The following CENPP variants were observed in gnomAD, a reference collection of about 807,000 sequenced individuals.
CENPP encodes the protein centromere protein P.
Under a neutral mutation model 35.6 loss-of-function variants are expected in CENPP, and 24 were observed. The observed-to-expected ratio is 0.67, with a 90% CI of 0.49 to 0.95. The LOEUF is 0.95. CENPP is among the 40% of genes least tolerant of loss of function. The pLI, the probability that CENPP is intolerant of heterozygous loss-of-function variation, is 0.00. For synonymous variants in CENPP, 120 were observed against 125.5 expected (o/e 0.96, Z 0.29); for missense variants, 332 against 345.3 (o/e 0.96, Z 0.31).
chr9:92,546,830 G>C (rs1849470296), intron 5 of CENPP, among the ~76,000 whole-genome samples: 1 of 152,078 alleles, frequency 6.6e-6, no homozygotes, highest in African/African-American at 2.4e-5. Flanking sequence ...AGAAGAATCA[G>C]AAAATCTAAA....
At chr9:92,546,648 G>T (rs1030795893) in intron 5 of CENPP, among the ~76,000 whole-genome samples, 3 of 152,160 alleles carry the variant, frequency 2.0e-5, no homozygotes, top group Non-Finnish European at 2.9e-5. Flanking sequence ...TGGACACGCT[G>T]CCTTTAAGAA....
chr9:92,347,204 G>C (rs755662817), intron 4 of CENPP, among the ~76,000 whole-genome samples: 9 of 152,176 alleles, frequency 5.9e-5, no homozygotes, highest in Non-Finnish European at 1.0e-4. Flanking sequence ...AAAAGGAACT[G>C]TTTGAGAGGT....
At chr9:92,547,612 C>T (rs935613426) in intron 5 of CENPP, among the ~76,000 whole-genome samples, 8 of 152,132 alleles carry the variant, frequency 5.3e-5, no homozygotes, top group Non-Finnish European at 1.2e-4. Context: ...CCAAAATAGA[C>T]GAATCCATTG....
intron 5 of CENPP, among the ~76,000 whole-genome samples, chr9:92,420,757 G>GTT (rs566441127): frequency 4.8e-5 from 7 of 145,162 alleles, no homozygotes; most frequent in Non-Finnish European, 1.1e-4. Flanking sequence ...TTTTGTTTTT[G>GTT]TTTTTTTTTT....
chr9:92,481,971 C>T (rs1310082100), intron 5 of CENPP, among the ~76,000 whole-genome samples: 2 of 151,722 alleles, frequency 1.3e-5, no homozygotes, highest in Admixed American at 6.6e-5. Context: ...CCTAGATAAA[C>T]ATACAAGATG....
At chr9:92,529,606 A>G (rs1455579403) in intron 5 of CENPP, among the ~76,000 whole-genome samples, 2 of 152,198 alleles carry the variant, frequency 1.3e-5, no homozygotes, top group African/African-American at 2.4e-5. Flanking sequence ...TATTCAGACA[A>G]TGGAATATTA....
intron 5 of CENPP, chr9:92,509,767 C>A: frequency 1.1e-6 from 1 of 950,102 alleles, no homozygotes; most frequent in East Asian, 3.1e-5. Context: ...GAAGTTTTAT[C>A]AACTCAAATG....
chr9:92,585,929 G>A (rs1850529031), intron 5 of CENPP, among the ~76,000 whole-genome samples: 1 of 152,200 alleles, frequency 6.6e-6, no homozygotes, highest in African/African-American at 2.4e-5. Context: ...AACTGTGGTT[G>A]TTCATTCTGA....
At chr9:92,341,793 A>C (rs1482054746) in intron 3 of CENPP, 3 of 152,294 alleles carry the variant, frequency 2.0e-5, no homozygotes, top group Non-Finnish European at 4.4e-5. Flanking sequence ...GCCTCCTAAC[A>C]GACAGTGTTG....
At chr9:92,440,509 C>T (rs1463054054) in intron 5 of CENPP, among the ~76,000 whole-genome samples, 2 of 152,054 alleles carry the variant, frequency 1.3e-5, no homozygotes, top group East Asian at 1.9e-4. Flanking sequence ...TAAAGTGCTT[C>T]CCTTAAGTGA....
chr9:92,561,240 C>T (rs2131341946), intron 5 of CENPP, among the ~76,000 whole-genome samples: 1 of 152,298 alleles, frequency 6.6e-6, no homozygotes, highest in Middle Eastern at 3.4e-3. Flanking sequence ...CAAGCACTGC[C>T]TCAGCACATC....
intron 5 of CENPP, among the ~76,000 whole-genome samples, chr9:92,472,013 A>G: frequency 6.6e-6 from 1 of 152,184 alleles, no homozygotes; most frequent in East Asian, 1.9e-4. Context: ...CTAGTATTTG[A>G]ATATCAACAT....
In CENPP at chr9:92,579,816, T is replaced by A. The variant is rs569030428; in HGVS notation, c.565-31498T>A. 3.9e-3 allele frequency among the ~76,000 whole-genome samples: 525 copies of A among 133,568 alleles called. 5 individuals carry two copies. Among genetic ancestry groups the A allele is most frequent in the African/African-American group, 0.015 (431 of 29,408 alleles). The allele number at this position is 133,568 out of a possible 152,430, so 87.6% of individuals were successfully genotyped here. A position where few individuals can be genotyped will look rare whatever the true frequency, so the allele number is the denominator to read the frequency against. On this transcript the variant is annotated intron_variant, in intron 5 of 7. Coordinates refer to ENST00000375587, the MANE Select transcript of CENPP (RefSeq NM_001012267.3). ...ATTTCCTTCTCCTGCCTAATTGCCC[T>A]GGCCAGAACTTCCAATACTATGTTG... is the stretch of plus-strand genomic sequence containing the variant.
intron 5 of CENPP, among the ~76,000 whole-genome samples, chr9:92,535,655 TA>T (rs141756764): frequency 0.04 from 6,053 of 152,210 alleles, 185 homozygotes; most frequent in South Asian, 0.098. Context: ...TTTTAGGACT[TA>T]AAAATTAATA....
chr9:92,562,731 T>C (rs1235213861), intron 5 of CENPP, among the ~76,000 whole-genome samples: 2 of 152,120 alleles, frequency 1.3e-5, no homozygotes, highest in Non-Finnish European at 2.9e-5. Context: ...TTGCTGGGAA[T>C]GGGGATTCTT....
At chr9:92,533,313 A>AT (rs1848934233) in intron 5 of CENPP, among the ~76,000 whole-genome samples, 51 of 94,182 alleles carry the variant, frequency 5.4e-4, no homozygotes, top group African/African-American at 2.2e-3. Context: ...CAAAAAAAAA[A>AT]AAAAAAAAAA....
intron 5 of CENPP, chr9:92,515,177 C>T (rs753862583): frequency 3.7e-6 from 6 of 1,602,428 alleles, no homozygotes; most frequent in Non-Finnish European, 5.1e-6. Flanking sequence ...TCATTTAATG[C>T]TATACCACTG....
intron 3 of CENPP, among the ~76,000 whole-genome samples, chr9:92,338,024 A>C (rs1164079268): frequency 1.3e-5 from 2 of 152,166 alleles, no homozygotes; most frequent in African/African-American, 4.8e-5. Flanking sequence ...AAAACAACCC[A>C]AAATAGGCCA....
At chr9:92,517,350 A>G (rs1022762705) in intron 5 of CENPP, 2 of 461,724 alleles carry the variant, frequency 4.3e-6, no homozygotes, top group Non-Finnish European at 7.8e-6. Flanking sequence ...TAATGCACAT[A>G]TAGACCAAAG....
Sources: allele counts gnomAD v4.1 joint callset (sites outside exome capture counted in the v4.1 genomes callset), GRCh38; gene constraint gnomAD v4.1.1; transcripts MANE v1.5; gene names NCBI Gene and HGNC (gene_info 2026-07-23, HGNC 2026-07-21).